Variants in CFAP44 observed in about 807,000 individuals in gnomAD.
CFAP44 encodes cilia- and flagella-associated protein 44.
CFAP44 carries 134 observed loss-of-function variants against 216.2 expected under a neutral mutation model. The observed-to-expected ratio is 0.62, with a 90% CI of 0.54 to 0.72. The LOEUF (loss-of-function observed/expected upper bound fraction) is 0.72, where lower values mean the gene tolerates loss of function less well. CFAP44 is among the 30% of genes least tolerant of loss of function. The probability of loss-of-function intolerance (pLI) is 0.00; values close to 1 mark genes in which losing one functional copy is unlikely to be tolerated. For synonymous variants in CFAP44, 700 were observed against 727.6 expected (o/e 0.96, Z 0.61); for missense variants, 2,035 against 2,182.1 (o/e 0.93, Z 1.34).
intron 31 of CFAP44, among the ~76,000 whole-genome samples, chr3:113,304,726 T>C (rs1949968956): frequency 1.3e-5 from 2 of 152,202 alleles, no homozygotes; most frequent in African/African-American, 4.8e-5. Flanking sequence ...AAAAGTGGCA[T>C]GGGTATAAGA....
At chr3:113,435,847 A>T (rs568358300) in intron 1 of CFAP44, among the ~76,000 whole-genome samples, 1 of 142,628 alleles carries the variant, frequency 7.0e-6, no homozygotes, top group South Asian at 2.3e-4. Context: ...ACTTTTTAAA[A>T]AGTGTATGTA....
chr3:113,401,483 CACTT>C, intron 10 of CFAP44, 97 bp downstream of exon 10: 8 of 1,402,318 alleles, frequency 5.7e-6, no homozygotes, highest in Admixed American at 2.2e-5. Context: ...AATCTCATAA[CACTT>C]ACAGTCAAAT....
chr3:113,373,484 G>GT lies in CFAP44; in HGVS notation c.2370dup (p.Gln791ThrfsTer4). On this transcript the variant is annotated frameshift_variant, in exon 18 of 35. Coordinates refer to ENST00000393845, the MANE Select transcript of CFAP44 (RefSeq NM_001164496.2). LOFTEE classifies it high-confidence loss of function. Reference sequence around the variant, plus strand: ...CGGACATCAATAGGTTCATCTTTTTGTTCTTTGAAATCACTGCTTTCATCA... The same window carrying GT: ...CGGACATCAATAGGTTCATCTTTTTGTTTCTTTGAAATCACTGCTTTCATCA... 2.5e-6 allele frequency: 4 copies of GT among 1,609,212 alleles called. No homozygotes were observed. Among genetic ancestry groups the GT allele is most frequent in the Non-Finnish European group, 3.4e-6 (4 of 1,177,410 alleles).
At chr3:113,403,419 C>T (rs114122454) in intron 9 of CFAP44, among the ~76,000 whole-genome samples, 3,931 of 152,286 alleles carry the variant, frequency 0.026, 90 homozygotes, top group Non-Finnish European at 0.039. Context: ...AATGTAGCAT[C>T]CATAGGCAAA....
chr3:113,350,159 A>G (rs1950429005), intron 22 of CFAP44, among the ~76,000 whole-genome samples: 1 of 151,596 alleles, frequency 6.6e-6, no homozygotes, highest in Non-Finnish European at 1.5e-5. Flanking sequence ...GAGGCAGAGA[A>G]AGACCAGCAG....
chr3:113,423,105 C>CTTTT lies in CFAP44; in HGVS notation c.408-2930_408-2927dup, dbSNP rs72395986. Among the ~76,000 whole-genome samples the CTTTT allele has an allele frequency of 6.9e-3, 548 of 79,190 alleles. 2 individuals carry two copies. The highest frequency in any genetic ancestry group is 9.8e-3 in the African/African-American group (199 of 20,326). The allele number at this position is 79,190 out of a possible 152,430, so 52.0% of individuals were successfully genotyped here. ...GTGCATAACTGGAATCTGATCCTTC[C>CTTTT]TTTTTTTTTTTTTTTTTTTTTTTTT... On this transcript the variant is annotated intron_variant, in intron 4 of 34. Coordinates refer to ENST00000393845, the MANE Select transcript of CFAP44 (RefSeq NM_001164496.2).
chr3:113,424,238 C>T (rs1315102322), intron 4 of CFAP44, among the ~76,000 whole-genome samples: 1 of 152,124 alleles, frequency 6.6e-6, no homozygotes, highest in African/African-American at 2.4e-5. Context: ...GAGTTCGAGA[C>T]CAGCCTGGCC....
chr3:113,418,492 C>T (rs1383768934), intron 5 of CFAP44, among the ~76,000 whole-genome samples: 2 of 152,162 alleles, frequency 1.3e-5, no homozygotes, highest in Non-Finnish European at 2.9e-5. Flanking sequence ...AAACACTTTT[C>T]TCATAGGTTT....
At chr3:113,364,487 T>C (rs557418258) in intron 19 of CFAP44, among the ~76,000 whole-genome samples, 1 of 152,308 alleles carries the variant, frequency 6.6e-6, no homozygotes, top group East Asian at 1.9e-4. Flanking sequence ...TAATGGCTAA[T>C]AAATTGTACT....
chr3:113,381,122 A>C (rs1933496237), intron 15 of CFAP44, 62 bp from the exon 16 acceptor site: 1 of 1,200,900 alleles, frequency 8.3e-7, no homozygotes, highest in African/African-American at 1.6e-5. Context: ...TAGTTTAAAG[A>C]GATTATAAAT....
intron 6 of CFAP44, among the ~76,000 whole-genome samples, chr3:113,413,781 A>C (rs546271425): frequency 2.0e-5 from 3 of 152,316 alleles, no homozygotes; most frequent in Non-Finnish European, 2.9e-5. Context: ...TATAGTTTGA[A>C]GTCAGGTAGT....
At chr3:113,431,170 G>T (rs1314831495) in intron 2 of CFAP44, among the ~76,000 whole-genome samples, 1 of 152,090 alleles carries the variant, frequency 6.6e-6, no homozygotes, top group Non-Finnish European at 1.5e-5. Context: ...CTATGATCAG[G>T]TATGAGGCTG....
chr3:113,322,181 C>T (rs7622826), intron 28 of CFAP44, among the ~76,000 whole-genome samples: 5,457 of 152,140 alleles, frequency 0.036, 306 homozygotes, highest in African/African-American at 0.12. Flanking sequence ...ACACATAGAC[C>T]GCAAGATCAG....
chr3:113,401,176 A>G, intron 11 of CFAP44, 64 bp downstream of exon 11: 1 of 1,440,348 alleles, frequency 6.9e-7, no homozygotes, highest in Non-Finnish European at 9.5e-7. Flanking sequence ...GAATACTTTA[A>G]AGACAAATAA....
rs1935360016 is a variant in CFAP44 at position 113,441,383 on chromosome 3, C to A, written c.-6+70G>T. ...GCCTGAGAGAAGCCCAAGTGGGGTT[C>A]ACTGCCCTCTGAGCCACAGATTTAA... is the stretch of plus-strand genomic sequence containing the variant. On this transcript the variant is annotated intron_variant, in intron 1 of 34. Coordinates refer to ENST00000393845, the MANE Select transcript of CFAP44 (RefSeq NM_001164496.2). The A allele has an allele frequency of 3.0e-6, 3 of 985,554 alleles. No homozygotes were observed. The South Asian group carries it at 1.4e-4, about 46-fold the overall frequency. 61.1% of individuals were successfully genotyped at this position (985,554 alleles called of 1,614,324 possible).
Position 113,363,593 on chromosome 3 carries a change from T to C in CFAP44, c.2716-61A>G, listed in dbSNP as rs1437975044. The C allele has an allele frequency of 3.9e-5, 55 of 1,398,918 alleles. No homozygotes were observed. The South Asian group carries it at 4.0e-4, about 10-fold the overall frequency. The allele number at this position is 1,398,918 out of a possible 1,614,324, so 86.7% of individuals were successfully genotyped here. A position where few individuals can be genotyped will look rare whatever the true frequency, so the allele number is the denominator to read the frequency against. ...ATTGCATAGCATTTTCCTTAAAATA[T>C]CTAGGAAGAAGTAAATTAAAAACTC... On this transcript the variant is annotated intron_variant, in intron 19 of 34. Coordinates refer to ENST00000393845, the MANE Select transcript of CFAP44 (RefSeq NM_001164496.2).
intron 23 of CFAP44, 141 bp from the exon 24 acceptor site, chr3:113,342,059 G>T: frequency 9.4e-7 from 1 of 1,067,200 alleles, no homozygotes; most frequent in Non-Finnish European, 1.3e-6. Flanking sequence ...AGCACTAGTT[G>T]TGGTGGCTCT....
At chr3:113,316,433 G>A (rs1364533390) in intron 28 of CFAP44, among the ~76,000 whole-genome samples, 1 of 152,054 alleles carries the variant, frequency 6.6e-6, no homozygotes, top group Non-Finnish European at 1.5e-5. Flanking sequence ...TAATCATAAA[G>A]ATAAGAGCAG....
chr3:113,340,596 A>AT (rs1444481441), intron 24 of CFAP44, among the ~76,000 whole-genome samples: 5 of 152,118 alleles, frequency 3.3e-5, no homozygotes, highest in Non-Finnish European at 7.4e-5. Flanking sequence ...TCAGTACCCC[A>AT]TTGCTCAAAC....
Sources: allele counts gnomAD v4.1 joint callset (sites outside exome capture counted in the v4.1 genomes callset), GRCh38; gene constraint gnomAD v4.1.1; transcripts MANE v1.5; gene names NCBI Gene and HGNC (gene_info 2026-07-23, HGNC 2026-07-21).